Variants in IL22RA2 observed in about 807,000 individuals in gnomAD.
The protein encoded by IL22RA2 is interleukin 22 receptor subunit alpha 2.
A neutral mutation model predicts 30.7 loss-of-function variants in IL22RA2; 39 were observed. The ratio of observed to expected loss-of-function variants is 1.27; its 90% CI spans 0.98 to 1.66. The LOEUF is 1.66. Ranked by LOEUF, IL22RA2 falls within the 40% of genes most tolerant of loss-of-function variation. The probability of loss-of-function intolerance (pLI) is 0.00; values close to 1 mark genes in which losing one functional copy is unlikely to be tolerated. For missense variants in IL22RA2, 315 were observed against 312.7 expected, an observed-to-expected ratio of 1.01 and a Z score of -0.05; for synonymous variants, 103 against 105.0, an observed-to-expected ratio of 0.98 and a Z score of 0.11.
At chr6:137,169,614 T>A (rs1167933885) in intron 1 of IL22RA2, among the ~76,000 whole-genome samples, 1 of 152,202 alleles carries the variant, frequency 6.6e-6, no homozygotes, top group African/African-American at 2.4e-5. Flanking sequence ...GCTGGAAAGA[T>A]AATGAATGGC....
intron 5 of IL22RA2, among the ~76,000 whole-genome samples, chr6:137,152,536 G>C (rs527416172): frequency 6.6e-6 from 1 of 152,288 alleles, no homozygotes; most frequent in African/African-American, 2.4e-5. Context: ...GTAGTTGCCG[G>C]GGCTGAGGGC....
rs77523143 is a variant in IL22RA2 at position 137,153,089 on chromosome 6, A to G, written c.472+1852T>C. Among the ~76,000 whole-genome samples, 753 of 152,234 alleles carry G rather than the reference A, an allele frequency of 4.9e-3. 12 individuals are homozygous for G. The highest frequency in any genetic ancestry group is 0.017 in the African/African-American group (712 of 41,522). On this transcript the variant is annotated intron_variant, in intron 5 of 6. Transcript: ENST00000296980. ...AGATTTTGTTTATAGATTTTTATTTACTGCTTCAATGCTTTTATTAGCAGA... is the reference window on the plus strand; with the variant it reads ...AGATTTTGTTTATAGATTTTTATTTGCTGCTTCAATGCTTTTATTAGCAGA...
At chr6:137,171,720 A>G (rs188330075) in intron 1 of IL22RA2, among the ~76,000 whole-genome samples, 1 of 152,338 alleles carries the variant, frequency 6.6e-6, no homozygotes, top group African/African-American at 2.4e-5. Context: ...CTTATCAGAA[A>G]TTTCCTCAGA....
chr6:137,145,106 A>T lies in IL22RA2; in HGVS notation c.*518T>A, dbSNP rs1486773460. On this transcript the variant is annotated 3_prime_UTR_variant, in exon 7 of 7. Transcript: ENST00000296980. Reference sequence around the variant, plus strand: ...ATTTAATAATAATAAATATATAAAAAGTATATTCATATAAAATAGAAATGT... The same window carrying T: ...ATTTAATAATAATAAATATATAAAATGTATATTCATATAAAATAGAAATGT... The T allele has an allele frequency of 1.3e-5, 2 of 151,380 alleles. No individual in the cohort carries two copies. The allele number at this position is 151,380 out of a possible 1,614,324, so 9.4% of individuals were successfully genotyped here. A position where few individuals can be genotyped will look rare whatever the true frequency, so the allele number is the denominator to read the frequency against.
Position 137,158,351 on chromosome 6 carries a change from T to C in IL22RA2, c.193A>G (p.Lys65Glu). Residue 65 changes from lysine to glutamate, a missense_variant, in exon 3 of 7, where the codon AAA becomes GAA. Lys to Glu is a moderately conservative substitution (Grantham distance 56). Transcript: ENST00000296980. ...GNSSVYFVQY[K>E]IMFSCSMKSS... ...AAGGAGGCTCAATTTACTTACATTT[T>C]GTACTGCACAAAATAGACACTGCTG... 1 of 1,614,162 alleles carries C rather than the reference T, an allele frequency of 6.2e-7. No individual in the cohort carries two copies. The highest frequency in any genetic ancestry group is 8.5e-7 in the Non-Finnish European group (1 of 1,179,992).
chr6:137,173,286 T>C (rs866478598), intron 1 of IL22RA2, 127 bp downstream of exon 1: 1 of 152,190 alleles, frequency 6.6e-6, no homozygotes, highest in Non-Finnish European at 1.5e-5. Context: ...GGCAGGAGAA[T>C]TGCTTGAGTC....
chr6:137,150,896 G>GA (rs749242124), intron 5 of IL22RA2, among the ~76,000 whole-genome samples: 2 of 152,132 alleles, frequency 1.3e-5, no homozygotes, highest in Non-Finnish European at 2.9e-5. Flanking sequence ...AGAGTTGGGG[G>GA]AAAATGCATC....
chr6:137,158,320 C>T, intron 3 of IL22RA2, 27 bp downstream of exon 3: 1 of 1,612,898 alleles, frequency 6.2e-7, no homozygotes, highest in Non-Finnish European at 8.5e-7. Flanking sequence ...CCATCTCTAT[C>T]AGCTGAAGGA....
intron 1 of IL22RA2, among the ~76,000 whole-genome samples, chr6:137,171,572 G>A (rs1778734292): frequency 6.6e-6 from 1 of 152,162 alleles, no homozygotes; most frequent in Non-Finnish European, 1.5e-5. Context: ...CTCAAGTGTA[G>A]ACCCTCCATC....
chr6:137,155,164 C>A, intron 4 of IL22RA2, 45 bp from the exon 5 acceptor site: 1 of 1,398,816 alleles, frequency 7.1e-7, no homozygotes, highest in South Asian at 1.4e-5. Context: ...TTTCTCCACT[C>A]AAGGAGTCTT....
At chr6:137,146,205 T>C (rs1355994956) in intron 6 of IL22RA2, among the ~76,000 whole-genome samples, 2 of 152,148 alleles carry the variant, frequency 1.3e-5, no homozygotes, top group East Asian at 3.8e-4. Flanking sequence ...CTAATTTTTG[T>C]ATTTTCAGTA....
chr6:137,157,538 TG>T (rs1459018291), intron 3 of IL22RA2, among the ~76,000 whole-genome samples: 8 of 152,052 alleles, frequency 5.3e-5, no homozygotes, highest in Non-Finnish European at 7.4e-5. Flanking sequence ...TGGAGAGACA[TG>T]GATGAATTTA....
chr6:137,162,445 C>T (rs1464174223), intron 1 of IL22RA2, among the ~76,000 whole-genome samples: 1 of 152,166 alleles, frequency 6.6e-6, no homozygotes, highest in East Asian at 1.9e-4. Flanking sequence ...CATTTTCACA[C>T]CCAGTTTCCA....
chr6:137,159,804 C>T (rs980967360), intron 2 of IL22RA2, among the ~76,000 whole-genome samples: 2 of 152,146 alleles, frequency 1.3e-5, no homozygotes, highest in Admixed American at 1.3e-4. Context: ...GCTCATTTCT[C>T]CACCTCCTTC....
intron 2 of IL22RA2, among the ~76,000 whole-genome samples, chr6:137,159,955 AAT>A (rs1408032371): frequency 6.6e-6 from 1 of 152,204 alleles, no homozygotes; most frequent in African/African-American, 2.4e-5. Context: ...TTACCAACCA[AAT>A]AGTGTGAATA....
At chr6:137,165,056 A>G (rs969872359) in intron 1 of IL22RA2, among the ~76,000 whole-genome samples, 2 of 152,234 alleles carry the variant, frequency 1.3e-5, no homozygotes, top group African/African-American at 4.8e-5. Flanking sequence ...CTTCAAGCAC[A>G]GGAGATATCA....
rs1381062855 is a variant in IL22RA2, at chr6:137,158,403, C to T, written c.141G>A (p.Trp47Ter). 2 of 1,614,032 alleles carry T rather than the reference C, an allele frequency of 1.2e-6. No individual in the cohort carries two copies. The highest frequency in any genetic ancestry group is 1.7e-6 in the Non-Finnish European group (2 of 1,180,000). ...TGCCAGTAAGTGCCCTCCCAGGCTG[C>T]CATTGCAAAATGTTGTGAAAATTTC... Reference protein sequence around the residue: ...QSRNFHNILQWQPGRALTGNS... With the variant: ...QSRNFHNILQ Residue 47 changes from tryptophan to a stop codon, truncating the protein, a stop_gained, in exon 3 of 7, where the codon TGG (tryptophan) becomes TGA (stop). Transcript: ENST00000296980. LOFTEE classifies it high-confidence loss of function.
intron 5 of IL22RA2, among the ~76,000 whole-genome samples, chr6:137,153,149 T>C (rs777858780): frequency 7.9e-5 from 12 of 152,148 alleles, no homozygotes; most frequent in Non-Finnish European, 1.5e-5. Flanking sequence ...CATACACCCA[T>C]AGATGTAGTC....
intron 5 of IL22RA2, among the ~76,000 whole-genome samples, chr6:137,148,333 C>A (rs1355702302): frequency 6.6e-6 from 1 of 152,150 alleles, no homozygotes; most frequent in Admixed American, 6.6e-5. Context: ...CCTTCAGCTT[C>A]CTGAGTAGCT....
Sources: gnomAD v4.1 joint callset for allele counts (sites outside exome capture counted in the v4.1 genomes callset) on GRCh38, gnomAD v4.1.1 for gene constraint, MANE v1.5 for transcripts, NCBI Gene and HGNC (gene_info 2026-07-23, HGNC 2026-07-21) for gene names.